Variants in CEP250 observed in about 807,000 individuals in gnomAD.
The protein encoded by CEP250 is centrosome-associated protein CEP250.
CEP250 carries 242 observed loss-of-function variants against 315.7 expected under a neutral mutation model. The observed-to-expected ratio is 0.77, with a 90% CI of 0.69 to 0.85. The LOEUF (loss-of-function observed/expected upper bound fraction) is 0.85. CEP250 is among the 40% of genes least tolerant of loss of function. CEP250 has a pLI of 0.00. For missense variants in CEP250, 2,515 were observed against 2,886.4 expected (o/e 0.87, Z 2.95); for synonymous variants, 1,088 against 1,175.0 (o/e 0.93, Z 1.51).
At chr20:35,490,563 G>A in intron 20 of CEP250, 74 bp from the exon 21 acceptor site, 1 of 1,442,228 alleles carries the variant, frequency 6.9e-7, no homozygotes, top group Non-Finnish European at 9.4e-7. Flanking sequence ...GAGAGACTTT[G>A]TTTTTCCAAT....
rs770366322 is a variant in CEP250 at position 35,462,475 on chromosome 20, A to G, written c.108A>G (p.Ala36=). The part of the protein sequence containing the change: ...ALQQQMAENQ[A]ASWRKLKNSQ... ...AGCAGCAGATGGCAGAGAATCAGGC[A>G]GCCTCCTGGCGGAAGCTGAAGAACT... Residue 36 remains alanine, a synonymous_variant, in exon 4 of 35, where the codon GCA becomes GCG. Coordinates refer to ENST00000397527, the MANE Select transcript of CEP250 (RefSeq NM_007186.6). 6.2e-7 allele frequency: 1 copy of G among 1,609,348 alleles called. No individual in the cohort carries two copies. The highest frequency in any genetic ancestry group is 1.1e-5 in the South Asian group (1 of 90,080).
intron 17 of CEP250, among the ~76,000 whole-genome samples, chr20:35,478,427 T>C (rs2063236024): frequency 6.6e-6 from 1 of 152,098 alleles, no homozygotes. Flanking sequence ...TAGCCCGGCA[T>C]GGTGGCACAT....
intron 34 of CEP250, 61 bp downstream of exon 34, chr20:35,510,115 T>A (rs1262660399): frequency 1.7e-5 from 25 of 1,473,106 alleles, no homozygotes; most frequent in African/African-American, 2.8e-5. Context: ...TTTGTGCACC[T>A]CCAGCAGGGA....
At chr20:35,500,708 G>C (rs2063979430) in intron 28 of CEP250, among the ~76,000 whole-genome samples, 1 of 152,250 alleles carries the variant, frequency 6.6e-6, no homozygotes, top group Non-Finnish European at 1.5e-5. Flanking sequence ...ACTGCGCCCA[G>C]CTGCACTGCA....
chr20:35,465,778 G>A lies in CEP250; in HGVS notation c.279G>A (p.Glu93=), dbSNP rs2062863368. Residue 93 remains glutamate, a synonymous_variant, in exon 6 of 35, where the codon GAG becomes GAA. Transcript: ENST00000397527. ...CCCAGAGGTGGGAAAATGTGGAGGAGCCAAACCTGGATGAGCTGCTGGTCC... is the reference window on the plus strand; with the variant it reads ...CCCAGAGGTGGGAAAATGTGGAGGAACCAAACCTGGATGAGCTGCTGGTCC... ...PIPQRWENVE[E]PNLDELLVRL... The A allele has an allele frequency of 6.2e-7, 1 of 1,609,558 alleles. No individual in the cohort carries two copies. Among genetic ancestry groups the A allele is most frequent in the Non-Finnish European group, 8.5e-7 (1 of 1,178,372 alleles).
chr20:35,473,493 G>A lies in CEP250; in HGVS notation c.1329G>A (p.Glu443=), dbSNP rs367679335. ...AGCGGCTGCAGAAGCTCACTGGGGA[G>A]CGGGACACTCTGGCAGGGCAGACTG... ...LRQRLQKLTG[E]RDTLAGQTVD... The change falls in exon 13 of 35, where the codon GAG becomes GAA. Residue 443 remains glutamate (E), a synonymous_variant. Transcript: ENST00000397527. The A allele has an allele frequency of 1.2e-6, 2 of 1,614,222 alleles. No individual in the cohort carries two copies. The highest frequency in any genetic ancestry group is 1.7e-6 in the Non-Finnish European group (2 of 1,180,038).
At chr20:35,473,694 C>G (rs969118947) in intron 13 of CEP250, 142 bp downstream of exon 13, 2 of 1,091,708 alleles carry the variant, frequency 1.8e-6, no homozygotes, top group African/African-American at 3.2e-5. Flanking sequence ...CCCAGTGTTT[C>G]ACTTGTTTCT....
intron 14 of CEP250, chr20:35,474,853 G>A (rs758948445): frequency 4.2e-6 from 2 of 471,000 alleles, no homozygotes; most frequent in South Asian, 1.5e-5. Flanking sequence ...CTGGCATATG[G>A]TAGGTCTTTA....
intron 20 of CEP250, among the ~76,000 whole-genome samples, chr20:35,484,318 A>G (rs1338214207): frequency 1.3e-5 from 2 of 152,182 alleles, no homozygotes; most frequent in African/African-American, 4.8e-5. Flanking sequence ...GAGGACTAGC[A>G]TCCCAGGACC....
intron 33 of CEP250, among the ~76,000 whole-genome samples, chr20:35,509,765 G>A (rs936991876): frequency 6.6e-5 from 10 of 152,252 alleles, no homozygotes; most frequent in African/African-American, 2.2e-4. Context: ...TGCCATCCAG[G>A]CCTTTTGGAT....
chr20:35,488,421 A>G (rs1338808354), intron 20 of CEP250, among the ~76,000 whole-genome samples: 2 of 152,166 alleles, frequency 1.3e-5, no homozygotes, highest in Admixed American at 1.3e-4. Context: ...TTTTATAAGG[A>G]AGAACAAAGG....
chr20:35,493,667 G>A, intron 23 of CEP250, 95 bp downstream of exon 23: 2 of 1,256,962 alleles, frequency 1.6e-6, no homozygotes, highest in Non-Finnish European at 2.1e-6. Flanking sequence ...CCTTGGCCCT[G>A]CTGCCTGGTT....
In CEP250 at chr20:35,504,408, G is replaced by T; in HGVS notation, c.6039G>T (p.Arg2013=). 6.2e-7 allele frequency: 1 copy of T among 1,606,518 alleles called. No homozygotes were observed. The highest frequency in any genetic ancestry group is 8.5e-7 in the Non-Finnish European group (1 of 1,176,506). Residue 2013 remains arginine, a synonymous_variant, in exon 30 of 35, where the codon CGG becomes CGT. Transcript: ENST00000397527. The part of the protein sequence containing the change: ...ASLDACQAHS[R]QLEEALRIQE... Reference sequence around the variant, plus strand: ...TGGATGCCTGCCAGGCACACAGTCGGCAGCTGGAGGAGGCTCTGAGGATAC... The same window carrying T: ...TGGATGCCTGCCAGGCACACAGTCGTCAGCTGGAGGAGGCTCTGAGGATAC...
intron 28 of CEP250, among the ~76,000 whole-genome samples, chr20:35,500,465 C>G (rs1186293167): frequency 6.6e-6 from 1 of 152,154 alleles, no homozygotes; most frequent in Non-Finnish European, 1.5e-5. Flanking sequence ...ACCGGGGTCT[C>G]TAGGAGCTCC....
At chr20:35,507,977 T>C in intron 31 of CEP250, 58 bp from the exon 32 acceptor site, 5 of 1,610,102 alleles carry the variant, frequency 3.1e-6, no homozygotes, top group Non-Finnish European at 4.2e-6. Flanking sequence ...GTGTCCTCTG[T>C]CTGTTCCCTA....
chr20:35,506,817 T>C (rs994754132), intron 30 of CEP250, among the ~76,000 whole-genome samples: 5 of 152,198 alleles, frequency 3.3e-5, no homozygotes, highest in African/African-American at 1.2e-4. Flanking sequence ...TGGCATGATA[T>C]GTATGAATTG....
chr20:35,498,445 T>C (rs934350459), intron 26 of CEP250, 150 bp from the exon 27 acceptor site: 30 of 952,754 alleles, frequency 3.1e-5, no homozygotes, highest in Non-Finnish European at 3.6e-5. Flanking sequence ...CCCATACTTA[T>C]GGAGAAAATA....
At chr20:35,492,145 A>C (rs1348216300) in intron 22 of CEP250, among the ~76,000 whole-genome samples, 2 of 152,208 alleles carry the variant, frequency 1.3e-5, no homozygotes, top group Non-Finnish European at 2.9e-5. Flanking sequence ...GTAACATCTG[A>C]GCTGAGACTT....
chr20:35,508,922 T>G (rs780213448), intron 32 of CEP250, 21 bp from the exon 33 acceptor site: 84 of 1,546,460 alleles, frequency 5.4e-5, no homozygotes, highest in Admixed American at 2.2e-4. Flanking sequence ...GAGCCCTGAT[T>G]TCTTATTTGC....
Sources: allele counts gnomAD v4.1 joint callset (sites outside exome capture counted in the v4.1 genomes callset), GRCh38; gene constraint gnomAD v4.1.1; transcripts MANE v1.5; gene names NCBI Gene and HGNC (gene_info 2026-07-23, HGNC 2026-07-21).